The following PNPLA8 variants were observed in gnomAD, a reference collection of about 807,000 sequenced individuals.
PNPLA8 encodes calcium-independent phospholipase A2-gamma.
A neutral mutation model predicts 76.9 loss-of-function variants in PNPLA8; 39 were observed. The observed-to-expected ratio is 0.51, with a 90% CI of 0.39 to 0.66. PNPLA8 has a LOEUF of 0.66. PNPLA8 is among the 30% of genes least tolerant of loss of function. PNPLA8 has a pLI of 0.00. For missense variants in PNPLA8, 887 were observed against 918.0 expected (o/e 0.97, Z 0.44); for synonymous variants, 301 against 307.9 (o/e 0.98, Z 0.24).
intron 7 of PNPLA8, among the ~76,000 whole-genome samples, chr7:108,493,967 G>A (rs1442928598): frequency 6.6e-6 from 1 of 151,698 alleles, no homozygotes; most frequent in Non-Finnish European, 1.5e-5. Flanking sequence ...CCAAAAACTT[G>A]AACACAGATT....
intron 10 of PNPLA8, 89 bp downstream of exon 10, chr7:108,479,095 T>C: frequency 7.6e-6 from 6 of 788,424 alleles, no homozygotes; most frequent in Middle Eastern, 3.6e-4. Context: ...ACATATCATA[T>C]GCCTTTGCAG....
At chr7:108,521,970 A>G (rs1265575124) in intron 1 of PNPLA8, among the ~76,000 whole-genome samples, 1 of 152,166 alleles carries the variant, frequency 6.6e-6, no homozygotes, top group Non-Finnish European at 1.5e-5. Flanking sequence ...CCCCTCCAGC[A>G]TTCACATCAA....
intron 5 of PNPLA8, among the ~76,000 whole-genome samples, chr7:108,499,591 A>G (rs1861800377): frequency 6.6e-6 from 1 of 152,158 alleles, no homozygotes; most frequent in African/African-American, 2.4e-5. Context: ...TGTCCTGTGC[A>G]CTGTATGATG....
intron 2 of PNPLA8, among the ~76,000 whole-genome samples, chr7:108,520,099 T>C (rs1169643500): frequency 6.6e-6 from 1 of 152,226 alleles, no homozygotes; most frequent in Non-Finnish European, 1.5e-5. Context: ...TAAGTAATCA[T>C]TGTGATTCTC....
chr7:108,519,210 T>C (rs985879286), intron 2 of PNPLA8, among the ~76,000 whole-genome samples: 2 of 151,730 alleles, frequency 1.3e-5, no homozygotes, highest in Admixed American at 6.6e-5. Context: ...CCCAGATAAA[T>C]GGTGAAACCT....
intron 7 of PNPLA8, chr7:108,496,345 G>A (rs929693359): frequency 6.2e-6 from 2 of 322,672 alleles, no homozygotes; most frequent in Non-Finnish European, 1.1e-5. Flanking sequence ...TTTAAAAAAG[G>A]CAATTGCAAC....
chr7:108,493,902 C>T (rs1861380224), intron 7 of PNPLA8, among the ~76,000 whole-genome samples: 1 of 151,238 alleles, frequency 6.6e-6, no homozygotes, highest in Non-Finnish European at 1.5e-5. Flanking sequence ...AATATTATGC[C>T]AAGGTTCAAC....
intron 5 of PNPLA8, among the ~76,000 whole-genome samples, chr7:108,500,764 C>T (rs1453836888): frequency 2.0e-5 from 3 of 152,096 alleles, no homozygotes; most frequent in Non-Finnish European, 2.9e-5. Flanking sequence ...ACAAAAGTAG[C>T]TGGGTGTGGT....
rs750711071 is a variant in PNPLA8 at position 108,487,787 on chromosome 7, T to C, written c.1850A>G (p.Glu617Gly). ...ASSAAPGYFA[E>G]YALGNDLHQD... ...ATGAAGATCATTTCCCAATGCATAT[T>C]CTGCAAAGTAGCCTGGAGCAGCAGA... The change falls in exon 9 of 11, where the codon GAA (glutamate) becomes GGA (glycine). Residue 617 changes from glutamate to glycine, a missense_variant. Coordinates refer to ENST00000257694, the MANE Select transcript of PNPLA8 (RefSeq NM_001256007.3). 1 of 1,609,626 alleles carries C rather than the reference T, an allele frequency of 6.2e-7. No homozygotes were observed. The highest frequency in any genetic ancestry group is 1.3e-5 in the African/African-American group (1 of 74,752).
chr7:108,519,726 T>C (rs540145331), intron 2 of PNPLA8, among the ~76,000 whole-genome samples: 29 of 151,748 alleles, frequency 1.9e-4, no homozygotes, highest in African/African-American at 5.3e-4. Flanking sequence ...CCATCAGAGA[T>C]CAACAGATGC....
chr7:108,523,650 T>G (rs932233766), intron 1 of PNPLA8, among the ~76,000 whole-genome samples: 7 of 152,210 alleles, frequency 4.6e-5, no homozygotes, highest in Non-Finnish European at 8.8e-5. Context: ...TGCGGTGAGC[T>G]GTCCTCTCTT....
chr7:108,526,137 G>C (rs138577549), upstream of PNPLA8: 52 of 971,608 alleles, frequency 5.4e-5, no homozygotes, highest in East Asian at 3.9e-3. Context: ...ACAAACACTG[G>C]CGCAGCAGCT....
At chr7:108,510,716 A>G in intron 4 of PNPLA8, 1 of 1,600,614 alleles carries the variant, frequency 6.2e-7, no homozygotes, top group Non-Finnish European at 8.5e-7. Flanking sequence ...TGGCAAAATC[A>G]ATAAGAAGCG....
At chr7:108,518,720 A>AAT (rs148834592) in intron 2 of PNPLA8, among the ~76,000 whole-genome samples, 2,394 of 123,374 alleles carry the variant, frequency 0.019, 21 homozygotes, top group Admixed American at 0.035. Flanking sequence ...TATGCACATG[A>AAT]ATATATATAT....
chr7:108,527,236 T>C (rs539848845), upstream of PNPLA8, among the ~76,000 whole-genome samples: 1 of 152,224 alleles, frequency 6.6e-6, no homozygotes, highest in African/African-American at 2.4e-5. Flanking sequence ...CTTTGACCTG[T>C]CAAATGTAGT....
intron 1 of PNPLA8, among the ~76,000 whole-genome samples, chr7:108,525,598 C>T (rs1193303824): frequency 6.6e-6 from 1 of 152,186 alleles, no homozygotes; most frequent in Non-Finnish European, 1.5e-5. Flanking sequence ...CAAAAAATAT[C>T]AGGCAGTAGA....
intron 10 of PNPLA8, among the ~76,000 whole-genome samples, chr7:108,473,529 T>TA (rs1328221109): frequency 6.6e-6 from 1 of 152,194 alleles, no homozygotes; most frequent in Non-Finnish European, 1.5e-5. Context: ...ACTAATATAT[T>TA]AGAGTTCTCA....
upstream of PNPLA8, among the ~76,000 whole-genome samples, chr7:108,526,764 T>G (rs1401865299): frequency 1.3e-5 from 2 of 152,242 alleles, no homozygotes; most frequent in Non-Finnish European, 2.9e-5. Flanking sequence ...GTAACACATC[T>G]TTTTAAAATT....
chr7:108,520,797 G>A (rs1300225767), intron 2 of PNPLA8, among the ~76,000 whole-genome samples: 1 of 152,028 alleles, frequency 6.6e-6, no homozygotes, highest in Admixed American at 6.6e-5. Flanking sequence ...AAATAACTGT[G>A]TGAGGTAATG....
Sources: allele counts gnomAD v4.1 joint callset (sites outside exome capture counted in the v4.1 genomes callset), GRCh38; gene constraint gnomAD v4.1.1; transcripts MANE v1.5; gene names NCBI Gene and HGNC (gene_info 2026-07-23, HGNC 2026-07-21).